The following FNIP2 variants were observed in gnomAD, a reference collection of about 807,000 sequenced individuals.
The protein encoded by FNIP2 is folliculin-interacting protein 2.
Under a neutral mutation model 108.7 loss-of-function variants are expected in FNIP2, and 32 were observed. That is an observed-to-expected ratio of 0.29 (90% CI 0.22 to 0.40). The LOEUF is 0.40. FNIP2 is among the 10% of genes least tolerant of loss of function. The pLI is 1.00. For synonymous variants in FNIP2, 480 were observed against 496.7 expected (o/e 0.97, Z 0.45); for missense variants, 1,202 against 1,381.6 (o/e 0.87, Z 2.06).
intron 14 of FNIP2, among the ~76,000 whole-genome samples, chr4:158,878,964 A>G (rs1347564487): frequency 6.7e-6 from 1 of 150,156 alleles, no homozygotes. Context: ...GCTAAAGATA[A>G]TTAGAATTTG....
intron 1 of FNIP2, chr4:158,795,729 A>G (rs549719701): frequency 6.6e-6 from 1 of 152,232 alleles, no homozygotes; most frequent in East Asian, 1.9e-4. Flanking sequence ...CCCATCGCCG[A>G]TGTTACCGCC....
chr4:158,788,231 CT>C (rs1776285734), intron 1 of FNIP2, among the ~76,000 whole-genome samples: 2 of 152,328 alleles, frequency 1.3e-5, no homozygotes, highest in South Asian at 4.1e-4. Context: ...TCCTGGAAGC[CT>C]TTGCCGATAA....
In FNIP2 at chr4:158,851,373, ATCT is replaced by A. The variant is rs769952436; in HGVS notation, c.786_788del (p.Ser265del). The stretch of plus-strand genomic sequence containing the variant: ...CTTTCCCATCTCCAAGCTCCTCTAC[ATCT>A]TCTTCCAGCAGTTACCAGCGCCGCT... On this transcript the variant is annotated inframe_deletion, in exon 8 of 17. Coordinates refer to ENST00000264433, the MANE Select transcript of FNIP2 (RefSeq NM_020840.3). The A allele has an allele frequency of 5.6e-6, 9 of 1,613,984 alleles. No homozygotes were observed. The highest frequency in any genetic ancestry group is 4.4e-5 in the South Asian group (4 of 91,082).
intron 1 of FNIP2, among the ~76,000 whole-genome samples, chr4:158,781,490 G>T (rs1168188209): frequency 6.6e-6 from 1 of 152,056 alleles, no homozygotes; most frequent in East Asian, 1.9e-4. Flanking sequence ...TATTAGAGTA[G>T]GGCCTTTGTT....
At chr4:158,783,792 T>C (rs1465774452) in intron 1 of FNIP2, among the ~76,000 whole-genome samples, 1 of 152,196 alleles carries the variant, frequency 6.6e-6, no homozygotes, top group Non-Finnish European at 1.5e-5. Flanking sequence ...TTCCATCCAG[T>C]TCCAGAGCCT....
At chr4:158,883,613 T>C (rs1453821753) in intron 14 of FNIP2, among the ~76,000 whole-genome samples, 1 of 152,204 alleles carries the variant, frequency 6.6e-6, no homozygotes, top group African/African-American at 2.4e-5. Context: ...ATAACTATTG[T>C]GCAGATTTTA....
chr4:158,773,757 T>A (rs1372700031), intron 1 of FNIP2, among the ~76,000 whole-genome samples: 1 of 152,200 alleles, frequency 6.6e-6, no homozygotes, highest in African/African-American at 2.4e-5. Flanking sequence ...TAGTCATTCA[T>A]GAAACAGAGA....
intron 3 of FNIP2, among the ~76,000 whole-genome samples, chr4:158,830,938 T>C (rs533219011): frequency 6.6e-6 from 1 of 152,308 alleles, no homozygotes; most frequent in Admixed American, 6.5e-5. Flanking sequence ...ATTCTAGAGC[T>C]CCAGGAGAGC....
In FNIP2 at chr4:158,904,662, TC is replaced by T; in HGVS notation, c.*120del. The T allele has an allele frequency of 1.1e-6, 1 of 886,466 alleles. No homozygotes were observed. The highest frequency in any genetic ancestry group is 1.8e-6 in the Non-Finnish European group (1 of 566,842). The allele number at this position is 886,466 out of a possible 1,614,324, so 54.9% of individuals were successfully genotyped here. A position where few individuals can be genotyped will look rare whatever the true frequency, so the allele number is the denominator to read the frequency against. On this transcript the variant is annotated 3_prime_UTR_variant, in exon 17 of 17. Coordinates refer to ENST00000264433, the MANE Select transcript of FNIP2 (RefSeq NM_020840.3). ...GAGAAGAGCAAACAGAAACAGTCATTCCACCTTTTTGTTTTGTGTTTTTGCT... is the reference window on the plus strand; with the variant it reads ...GAGAAGAGCAAACAGAAACAGTCATTCACCTTTTTGTTTTGTGTTTTTGCT...
intron 5 of FNIP2, among the ~76,000 whole-genome samples, chr4:158,832,800 A>T (rs1013182408): frequency 6.6e-6 from 1 of 152,210 alleles, no homozygotes; most frequent in African/African-American, 2.4e-5. Flanking sequence ...TTTGTTTTTA[A>T]CAGACCCTTG....
rs1729734951 is a variant in FNIP2 at position 158,905,311 on chromosome 4, A to G, written c.*767A>G. ...TGTAGCAGCAAAGTGTACAGTCTGA[A>G]ACCGTATGTTTTATCCTTATATTTT... On this transcript the variant is annotated 3_prime_UTR_variant, in exon 17 of 17. Transcript: ENST00000264433. 1 of 152,220 alleles carries G rather than the reference A, an allele frequency of 6.6e-6. No homozygotes were observed. The highest frequency in any genetic ancestry group is 1.5e-5 in the Non-Finnish European group (1 of 68,046). The allele number at this position is 152,220 out of a possible 1,614,324, so 9.4% of individuals were successfully genotyped here.
intron 15 of FNIP2, chr4:158,893,084 G>A (rs1560838106): frequency 1.3e-5 from 2 of 152,186 alleles, no homozygotes; most frequent in Non-Finnish European, 2.9e-5. Flanking sequence ...TTGGTTAGTT[G>A]TGTAACAATG....
At chr4:158,797,106 G>T (rs1355291142) in intron 1 of FNIP2, among the ~76,000 whole-genome samples, 1 of 152,068 alleles carries the variant, frequency 6.6e-6, no homozygotes, top group East Asian at 1.9e-4. Flanking sequence ...CTTAGTTGTC[G>T]TAGCTATTAG....
chr4:158,858,232 C>T (rs1033516077), intron 8 of FNIP2, among the ~76,000 whole-genome samples: 7 of 152,124 alleles, frequency 4.6e-5, no homozygotes, highest in African/African-American at 7.2e-5. Flanking sequence ...GAAAATGTAT[C>T]GCCAGTCTAG....
chr4:158,865,597 C>T (rs1412864301), intron 12 of FNIP2, among the ~76,000 whole-genome samples: 1 of 152,200 alleles, frequency 6.6e-6, no homozygotes, highest in Non-Finnish European at 1.5e-5. Flanking sequence ...GGTCTTTCCC[C>T]TGTAGTTTGT....
chr4:158,840,537 A>G (rs1779071507), intron 7 of FNIP2, among the ~76,000 whole-genome samples: 2 of 152,160 alleles, frequency 1.3e-5, no homozygotes, highest in African/African-American at 2.4e-5. Flanking sequence ...CTGAAATCAC[A>G]GGCGCACACC....
At chr4:158,863,973 T>C (rs963983804) in intron 12 of FNIP2, among the ~76,000 whole-genome samples, 10 of 152,234 alleles carry the variant, frequency 6.6e-5, no homozygotes, top group African/African-American at 1.9e-4. Context: ...ACAGTGGAAT[T>C]AGACTACAAA....
chr4:158,839,607 A>G (rs983704537), intron 7 of FNIP2, among the ~76,000 whole-genome samples: 1 of 151,962 alleles, frequency 6.6e-6, no homozygotes, highest in Non-Finnish European at 1.5e-5. Context: ...GGCTCAAGCA[A>G]TTTTCCCACC....
chr4:158,895,726 T>C (rs1207973937), intron 15 of FNIP2, 24 bp from the exon 16 acceptor site: 1 of 1,438,176 alleles, frequency 7.0e-7, no homozygotes, highest in Non-Finnish European at 9.8e-7. Context: ...CTAGCCCTCA[T>C]TGTGAATGTT....
Sources: gnomAD v4.1 joint callset for allele counts (sites outside exome capture counted in the v4.1 genomes callset) on GRCh38, gnomAD v4.1.1 for gene constraint, MANE v1.5 for transcripts, NCBI Gene and HGNC (gene_info 2026-07-23, HGNC 2026-07-21) for gene names.